Variants in DOK6 observed in about 807,000 individuals in gnomAD.
DOK6 encodes docking protein 6.
A neutral mutation model predicts 44.0 loss-of-function variants in DOK6; 22 were observed. The ratio of observed to expected loss-of-function variants is 0.50; its 90% CI spans 0.36 to 0.71. The LOEUF is 0.71. Among genes scored for constraint, DOK6 ranks in the 30% least tolerant of loss-of-function variants. The pLI is 0.00. For missense variants in DOK6, 340 were observed against 416.4 expected, an observed-to-expected ratio of 0.82 and a Z score of 1.60; for synonymous variants, 166 against 145.5, an observed-to-expected ratio of 1.14 and a Z score of -1.01.
chr18:69,695,374 A>G (rs911430077), intron 4 of DOK6, among the ~76,000 whole-genome samples: 1 of 152,232 alleles, frequency 6.6e-6, no homozygotes, highest in African/African-American at 2.4e-5. Context: ...ATAAAAACCG[A>G]ACATGGGTTC....
chr18:69,646,752 C>A (rs1985083419), intron 3 of DOK6, among the ~76,000 whole-genome samples: 1 of 152,084 alleles, frequency 6.6e-6, no homozygotes, highest in South Asian at 2.1e-4. Flanking sequence ...TGTTCACGAC[C>A]AGGCCCCTCC....
At chr18:69,699,059 G>T (rs991636227) in intron 5 of DOK6, among the ~76,000 whole-genome samples, 1 of 151,954 alleles carries the variant, frequency 6.6e-6, no homozygotes, top group Non-Finnish European at 1.5e-5. Context: ...CTGCTTTCTT[G>T]ATCACAGCAT....
At chr18:69,565,909 A>G (rs1982965925) in intron 2 of DOK6, among the ~76,000 whole-genome samples, 1 of 152,196 alleles carries the variant, frequency 6.6e-6, no homozygotes, top group African/African-American at 2.4e-5. Flanking sequence ...TGTTATAACT[A>G]TGATTATGAC....
At chr18:69,760,572 G>A (rs1054651778) in intron 7 of DOK6, among the ~76,000 whole-genome samples, 3 of 152,154 alleles carry the variant, frequency 2.0e-5, no homozygotes, top group Non-Finnish European at 4.4e-5. Flanking sequence ...GAAACCAAGT[G>A]CGCAGCTTGA....
chr18:69,690,941 G>A (rs140404332), intron 4 of DOK6, among the ~76,000 whole-genome samples: 5 of 152,224 alleles, frequency 3.3e-5, no homozygotes, highest in African/African-American at 7.2e-5. Flanking sequence ...AGCACTTTGG[G>A]AGGCCGAGAC....
At chr18:69,416,754 G>A (rs1392305871) in intron 1 of DOK6, among the ~76,000 whole-genome samples, 3 of 152,070 alleles carry the variant, frequency 2.0e-5, no homozygotes, top group Non-Finnish European at 4.4e-5. Flanking sequence ...AGGGCTGTGA[G>A]GGCTGTGCTC....
chr18:69,469,047 A>G (rs935694319), intron 1 of DOK6, among the ~76,000 whole-genome samples: 2 of 152,182 alleles, frequency 1.3e-5, no homozygotes, highest in African/African-American at 2.4e-5. Flanking sequence ...GAGAGGATGA[A>G]GATGGTGCCA....
Position 69,730,908 on chromosome 18 carries a change from C to T in DOK6, c.600-8057C>T, listed in dbSNP as rs192927496. On this transcript the variant is annotated intron_variant, in intron 5 of 7. Coordinates refer to ENST00000382713, the MANE Select transcript of DOK6 (RefSeq NM_152721.6). ...CTGAGCCCAGGAGTTTGAGGCCAGC[C>T]TGAGCAAGAGAAACCCTAGCTCTAC... 7.8e-4 allele frequency among the ~76,000 whole-genome samples: 118 copies of T among 151,964 alleles called. 1 individual carries two copies. Among genetic ancestry groups the T allele is most frequent in the African/African-American group, 2.7e-3 (111 of 41,410 alleles).
intron 3 of DOK6, among the ~76,000 whole-genome samples, chr18:69,635,649 G>A (rs1011346275): frequency 5.9e-5 from 9 of 152,090 alleles, no homozygotes; most frequent in Admixed American, 3.3e-4. Context: ...TAGGCATGTG[G>A]TAGCATCACA....
At chr18:69,604,536 A>G (rs1244769557) in intron 3 of DOK6, among the ~76,000 whole-genome samples, 2 of 152,238 alleles carry the variant, frequency 1.3e-5, no homozygotes, top group African/African-American at 2.4e-5. Context: ...CCTACTTGAA[A>G]GTATTATTTC....
chr18:69,526,311 C>A (rs1981829561), intron 1 of DOK6, among the ~76,000 whole-genome samples: 1 of 152,108 alleles, frequency 6.6e-6, no homozygotes, highest in East Asian at 1.9e-4. Context: ...ACAGACATTT[C>A]ATATAAATGG....
chr18:69,490,653 A>G (rs1414797664), intron 1 of DOK6, among the ~76,000 whole-genome samples: 2 of 152,184 alleles, frequency 1.3e-5, no homozygotes, highest in Non-Finnish European at 2.9e-5. Context: ...CTAATATAAT[A>G]ATTTCCCAAG....
chr18:69,839,057 C>T (rs1982133572), intron 7 of DOK6, among the ~76,000 whole-genome samples: 1 of 148,780 alleles, frequency 6.7e-6, no homozygotes, highest in Non-Finnish European at 1.5e-5. Flanking sequence ...CTCTCCCTAG[C>T]TCCACTCCTA....
At chr18:69,411,559 C>T (rs765184296) in intron 1 of DOK6, among the ~76,000 whole-genome samples, 3 of 152,108 alleles carry the variant, frequency 2.0e-5, no homozygotes, top group Non-Finnish European at 4.4e-5. Context: ...ATCCATCTGG[C>T]AGTCTTATTT....
At chr18:69,591,626 A>C (rs1474290017) in intron 2 of DOK6, among the ~76,000 whole-genome samples, 1 of 152,156 alleles carries the variant, frequency 6.6e-6, no homozygotes, top group African/African-American at 2.4e-5. Context: ...TATGTATAAT[A>C]AAATAATGTC....
rs143057141 is a variant in DOK6, at chr18:69,718,787, C to T, written c.600-20178C>T. 2.9e-3 allele frequency among the ~76,000 whole-genome samples: 442 copies of T among 151,926 alleles called. 5 individuals are homozygous for T. Among genetic ancestry groups the T allele is most frequent in the African/African-American group, 9.8e-3 (407 of 41,428 alleles). ...CCAATATGTTGGATCTCTATTTGCC[C>T]CTAGTTTTTTTAATGGAACCCACAA... On this transcript the variant is annotated intron_variant, in intron 5 of 7. Transcript: ENST00000382713.
At chr18:69,708,296 C>A (rs1986680006) in intron 5 of DOK6, among the ~76,000 whole-genome samples, 1 of 152,094 alleles carries the variant, frequency 6.6e-6, no homozygotes, top group African/African-American at 2.4e-5. Context: ...ATTGTCTGAG[C>A]AATCGTGGTT....
At chr18:69,557,715 T>A (rs997845281) in intron 1 of DOK6, among the ~76,000 whole-genome samples, 3 of 152,056 alleles carry the variant, frequency 2.0e-5, no homozygotes, top group African/African-American at 7.2e-5. Context: ...ACTGGCATGT[T>A]TAGGAGATAG....
At position 69,401,196 on chromosome 18, in the gene DOK6, C is replaced by G; in HGVS notation, c.-49C>G. 2 of 1,508,268 alleles carry G rather than the reference C, an allele frequency of 1.3e-6. No homozygotes were observed. Among genetic ancestry groups the G allele is most frequent in the Non-Finnish European group, 1.8e-6 (2 of 1,128,312 alleles). The allele number at this position is 1,508,268 out of a possible 1,614,324, so 93.4% of individuals were successfully genotyped here. ...AGACCCGGCGGCGGACGGCGGCTCT[C>G]GACTCCGGAGAGCGGATCGCGGGGC... is the stretch of plus-strand genomic sequence containing the variant. On this transcript the variant is annotated 5_prime_UTR_variant, in exon 1 of 8. Transcript: ENST00000382713.
Sources: allele counts gnomAD v4.1 joint callset (sites outside exome capture counted in the v4.1 genomes callset), GRCh38; gene constraint gnomAD v4.1.1; transcripts MANE v1.5; gene names NCBI Gene and HGNC (gene_info 2026-07-23, HGNC 2026-07-21).